The following RBFOX1 variants were observed in gnomAD, a reference collection of about 807,000 sequenced individuals.
The protein encoded by RBFOX1 is RNA binding fox-1 homolog 1.
In RBFOX1, 8 loss-of-function variants were observed where a neutral mutation model predicts 57.7. The ratio of observed to expected loss-of-function variants is 0.14; its 90% CI spans 0.08 to 0.25. RBFOX1 has a LOEUF of 0.25. RBFOX1 is among the 10% of genes least tolerant of loss of function. The probability of loss-of-function intolerance (pLI) is 1.00; values close to 1 mark genes in which losing one functional copy is unlikely to be tolerated. For synonymous variants in RBFOX1, 326 were observed against 222.4 expected, an observed-to-expected ratio of 1.47 and a Z score of -4.15; for missense variants, 611 against 548.5, an observed-to-expected ratio of 1.11 and a Z score of -1.14.
At chr16:6,491,718 G>A (rs924757383) in intron 2 of RBFOX1, among the ~76,000 whole-genome samples, 2 of 152,184 alleles carry the variant, frequency 1.3e-5, no homozygotes, top group African/African-American at 4.8e-5. Flanking sequence ...CATGAGGGAA[G>A]GCTGAAACTT....
At chr16:7,195,969 T>C (rs1567661458) in intron 4 of RBFOX1, among the ~76,000 whole-genome samples, 2 of 152,254 alleles carry the variant, frequency 1.3e-5, no homozygotes, top group Non-Finnish European at 2.9e-5. Flanking sequence ...CACACTGCTA[T>C]TTGTGGCAAG....
chr16:7,237,120 G>A (rs1179851928), intron 4 of RBFOX1, among the ~76,000 whole-genome samples: 2 of 152,156 alleles, frequency 1.3e-5, no homozygotes, highest in South Asian at 2.1e-4. Context: ...CTTCCCAGGG[G>A]CTGCAATACA....
Position 7,304,776 on chromosome 16 carries a change from G to A in RBFOX1, c.28-213371G>A, listed in dbSNP as rs567716906. ...CCTTGCTACCATCTTCCTTGTGTCA[G>A]TGCCTTTCGTGGTGATCTGAGTCTA... is the stretch of plus-strand genomic sequence containing the variant. On this transcript the variant is annotated intron_variant, in intron 4 of 15. Transcript: ENST00000550418. 2.0e-5 allele frequency among the ~76,000 whole-genome samples: 3 copies of A among 152,306 alleles called. No homozygotes were observed. The South Asian group carries it at 6.2e-4, about 32-fold the overall frequency.
intron 2 of RBFOX1, among the ~76,000 whole-genome samples, chr16:5,579,479 C>G (rs1461438211): frequency 6.6e-6 from 1 of 152,144 alleles, no homozygotes; most frequent in African/African-American, 2.4e-5. Flanking sequence ...CCCAGCCTCT[C>G]AAACACACAC....
chr16:7,432,632 A>G (rs1305189371), intron 4 of RBFOX1, among the ~76,000 whole-genome samples: 23 of 152,244 alleles, frequency 1.5e-4, no homozygotes, highest in Admixed American at 1.5e-3. Context: ...AGTCACAGAC[A>G]ATACATAAAC....
chr16:5,431,732 CATGCAGAAG>C (rs1389098585), intron 1 of RBFOX1, among the ~76,000 whole-genome samples: 3 of 152,160 alleles, frequency 2.0e-5, no homozygotes, highest in African/African-American at 7.2e-5. Flanking sequence ...TACCCATAGT[CATGCAGAAG>C]ATGGCAAGTT....
At chr16:5,339,572 T>C (rs2064989643) in intron 1 of RBFOX1, among the ~76,000 whole-genome samples, 1 of 142,990 alleles carries the variant, frequency 7.0e-6, no homozygotes, top group Non-Finnish European at 1.5e-5. Context: ...AAGCTTCAAC[T>C]CTCGGGTTCA....
intron 1 of RBFOX1, among the ~76,000 whole-genome samples, chr16:6,300,009 T>A (rs2078626228): frequency 6.6e-6 from 1 of 152,158 alleles, no homozygotes; most frequent in Non-Finnish European, 1.5e-5. Flanking sequence ...CCATTCAGCT[T>A]CAAAAGACAA....
At chr16:7,032,619 G>A (rs577821391) in intron 3 of RBFOX1, among the ~76,000 whole-genome samples, 11 of 151,992 alleles carry the variant, frequency 7.2e-5, no homozygotes, top group East Asian at 3.9e-4. Context: ...TTTGCTAGAC[G>A]AGTATTTTCC....
intron 2 of RBFOX1, among the ~76,000 whole-genome samples, chr16:5,522,585 G>T (rs1450190026): frequency 6.6e-6 from 1 of 152,130 alleles, no homozygotes; most frequent in Non-Finnish European, 1.5e-5. Flanking sequence ...GAGATATACA[G>T]TACATTCTTA....
chr16:6,029,883 A>C (rs2095263911), intron 1 of RBFOX1, among the ~76,000 whole-genome samples: 1 of 152,052 alleles, frequency 6.6e-6, no homozygotes, highest in African/African-American at 2.4e-5. Context: ...GCTATGAAGA[A>C]TTCAACTCTC....
chr16:7,012,886 G>A (rs1284396115), intron 3 of RBFOX1, among the ~76,000 whole-genome samples: 1 of 152,156 alleles, frequency 6.6e-6, no homozygotes, highest in Non-Finnish European at 1.5e-5. Context: ...TAGCTGGGGA[G>A]GCTGGAAGTT....
At chr16:5,395,411 G>A (rs894861194) in intron 1 of RBFOX1, among the ~76,000 whole-genome samples, 1 of 152,028 alleles carries the variant, frequency 6.6e-6, no homozygotes, top group African/African-American at 2.4e-5. Flanking sequence ...GATGGGTTCT[G>A]TGAATAACGC....
chr16:6,853,333 G>T (rs1373733054), intron 3 of RBFOX1, among the ~76,000 whole-genome samples: 1 of 152,146 alleles, frequency 6.6e-6, no homozygotes, highest in Non-Finnish European at 1.5e-5. Flanking sequence ...GGTAGTGGTG[G>T]TGGCATACCT....
chr16:5,617,412 C>A (rs149516897), intron 3 of RBFOX1, among the ~76,000 whole-genome samples: 1 of 152,176 alleles, frequency 6.6e-6, no homozygotes, highest in Non-Finnish European at 1.5e-5. Flanking sequence ...GCAGTCAAAG[C>A]CAGCCTTGCA....
intron 4 of RBFOX1, among the ~76,000 whole-genome samples, chr16:7,085,207 A>G (rs1042120649): frequency 3.3e-5 from 5 of 152,176 alleles, no homozygotes; most frequent in South Asian, 2.1e-4. Flanking sequence ...TGGTTATTCT[A>G]CTTGCCAAAT....
At chr16:5,649,271 C>T (rs1194388698) in intron 3 of RBFOX1, among the ~76,000 whole-genome samples, 6 of 152,014 alleles carry the variant, frequency 3.9e-5, no homozygotes, top group Non-Finnish European at 7.4e-5. Context: ...TGGGTTCAAG[C>T]GATTCTCTTG....
At chr16:6,735,978 C>CTAGT (rs2070158928) in intron 3 of RBFOX1, among the ~76,000 whole-genome samples, 1 of 151,678 alleles carries the variant, frequency 6.6e-6, no homozygotes, top group Non-Finnish European at 1.5e-5. Flanking sequence ...TGCTTCCCTA[C>CTAGT]TGGGCCTGCT....
At chr16:6,512,789 C>G (rs1011858846) in intron 2 of RBFOX1, among the ~76,000 whole-genome samples, 2 of 152,158 alleles carry the variant, frequency 1.3e-5, no homozygotes, top group East Asian at 3.9e-4. Flanking sequence ...ATGGAGTAGT[C>G]TCATTGTCTT....
Sources: allele counts gnomAD v4.1 joint callset (sites outside exome capture counted in the v4.1 genomes callset), GRCh38; gene constraint gnomAD v4.1.1; transcripts MANE v1.5; gene names NCBI Gene and HGNC (gene_info 2026-07-23, HGNC 2026-07-21).